SPATA13: variants seen among roughly 807,000 people sequenced by gnomAD.
SPATA13 encodes spermatogenesis associated 13, also known as spermatogenesis-associated protein 13.
SPATA13 carries 50 observed loss-of-function variants against 104.0 expected under a neutral mutation model. The ratio of observed to expected loss-of-function variants is 0.48; its 90% confidence interval spans 0.38 to 0.61. The LOEUF (loss-of-function observed/expected upper bound fraction) is 0.61, where lower values mean the gene tolerates loss of function less well. SPATA13 is among the 20% of genes least tolerant of loss of function. The pLI, the probability that SPATA13 is intolerant of heterozygous loss-of-function variation, is 0.00. For synonymous variants in SPATA13, 606 were observed against 667.5 expected (o/e 0.91, Z 1.42); for missense variants, 1,524 against 1,690.6 (o/e 0.90, Z 1.73).
chr13:24,131,600 C>G (rs1303723080), intron 3 of SPATA13, among the ~76,000 whole-genome samples: 1 of 152,188 alleles, frequency 6.6e-6, no homozygotes, highest in Non-Finnish European at 1.5e-5. Context: ...CTTATGAGAA[C>G]AACAGAACCA....
chr13:24,082,636 A>C (rs945223142), intron 3 of SPATA13, among the ~76,000 whole-genome samples: 4 of 151,176 alleles, frequency 2.6e-5, no homozygotes, highest in South Asian at 2.1e-4. Flanking sequence ...CTGGCTAACA[A>C]GGTGAAACCC....
At chr13:24,264,142 C>CT (rs960805556) in intron 4 of SPATA13, among the ~76,000 whole-genome samples, 17 of 151,566 alleles carry the variant, frequency 1.1e-4, no homozygotes, top group African/African-American at 2.9e-4. Context: ...AAGTATTAAA[C>CT]TTTTTTTTTA....
intron 1 of SPATA13, among the ~76,000 whole-genome samples, chr13:23,981,321 T>C (rs948308443): frequency 6.6e-6 from 1 of 152,242 alleles, no homozygotes; most frequent in African/African-American, 2.4e-5. Context: ...AGCAGTTTTT[T>C]TGTAGCTACA....
intron 3 of SPATA13, among the ~76,000 whole-genome samples, chr13:24,144,297 G>A (rs1396779013): frequency 2.0e-5 from 3 of 152,144 alleles, no homozygotes; most frequent in Non-Finnish European, 4.4e-5. Context: ...ACCAAAGGGC[G>A]AGAGCGGGTA....
intron 2 of SPATA13, among the ~76,000 whole-genome samples, chr13:23,987,982 C>T (rs1428914346): frequency 1.3e-5 from 2 of 150,090 alleles, no homozygotes; most frequent in Admixed American, 1.3e-4. Flanking sequence ...CTCACTCTGT[C>T]ACCCAGGCTG....
intron 2 of SPATA13, among the ~76,000 whole-genome samples, chr13:24,238,525 G>A (rs1400157815): frequency 6.6e-6 from 1 of 152,058 alleles, no homozygotes; most frequent in African/African-American, 2.4e-5. Flanking sequence ...AGGTGCTTCA[G>A]TCCCTTTTCT....
chr13:23,992,987 C>T (rs1255209031), intron 2 of SPATA13, among the ~76,000 whole-genome samples: 1 of 152,218 alleles, frequency 6.6e-6, no homozygotes, highest in Non-Finnish European at 1.5e-5. Context: ...CTGAGAGCTG[C>T]CTGTCATATT....
At chr13:24,266,389 A>T (rs1346502536) in intron 4 of SPATA13, among the ~76,000 whole-genome samples, 1 of 151,972 alleles carries the variant, frequency 6.6e-6, no homozygotes, top group Non-Finnish European at 1.5e-5. Context: ...GGCTCAAGGG[A>T]TTCTCTCACC....
At chr13:24,132,189 C>G (rs780037657) in intron 3 of SPATA13, among the ~76,000 whole-genome samples, 1 of 152,326 alleles carries the variant, frequency 6.6e-6, no homozygotes, top group Middle Eastern at 3.4e-3. Flanking sequence ...ATGCCACATG[C>G]TAAGTGTAAC....
chr13:24,026,284 CCCT>C (rs1877212685), intron 3 of SPATA13, among the ~76,000 whole-genome samples: 1 of 152,176 alleles, frequency 6.6e-6, no homozygotes, highest in African/African-American at 2.4e-5. Flanking sequence ...CACATAGCTA[CCCT>C]CCTCTGTTTT....
At chr13:24,265,273 C>T (rs1167190800) in intron 4 of SPATA13, among the ~76,000 whole-genome samples, 10 of 152,202 alleles carry the variant, frequency 6.6e-5, no homozygotes, top group Admixed American at 6.5e-4. Flanking sequence ...GCAGCATCTA[C>T]CCGGCTCATC....
intron 3 of SPATA13, among the ~76,000 whole-genome samples, chr13:24,105,112 C>T (rs1230914927): frequency 2.6e-5 from 4 of 151,538 alleles, no homozygotes; most frequent in Non-Finnish European, 5.9e-5. Flanking sequence ...TTCTTACAAT[C>T]GTTTTGTTTT....
chr13:24,061,900 A>AG (rs1878786501), intron 3 of SPATA13, among the ~76,000 whole-genome samples: 1 of 151,704 alleles, frequency 6.6e-6, no homozygotes, highest in African/African-American at 2.4e-5. Context: ...AAAAAAAAAA[A>AG]GAAAAAAACT....
intron 1 of SPATA13, among the ~76,000 whole-genome samples, chr13:24,182,443 G>A (rs1351477702): frequency 6.6e-6 from 1 of 152,070 alleles, no homozygotes; most frequent in African/African-American, 2.4e-5. Context: ...ACAGTGGGAG[G>A]TGAAGGGGAA....
intron 1 of SPATA13, among the ~76,000 whole-genome samples, chr13:24,204,331 C>T (rs1476344788): frequency 6.6e-6 from 1 of 151,976 alleles, no homozygotes; most frequent in Non-Finnish European, 1.5e-5. Context: ...GTGAATCTTC[C>T]TGAATCAAAT....
At chr13:24,203,700 T>G (rs554867009) in intron 1 of SPATA13, among the ~76,000 whole-genome samples, 1 of 152,184 alleles carries the variant, frequency 6.6e-6, no homozygotes, top group Non-Finnish European at 1.5e-5. Context: ...CTCTTTTTTG[T>G]TGGTAGGTAT....
intron 5 of SPATA13, among the ~76,000 whole-genome samples, chr13:24,285,447 A>G (rs1168781475): frequency 6.6e-6 from 1 of 152,166 alleles, no homozygotes; most frequent in Non-Finnish European, 1.5e-5. Context: ...TTTGCTAGAT[A>G]ACTGACCTGC....
At chr13:24,257,611 CTT>C (rs201620960) in intron 4 of SPATA13, among the ~76,000 whole-genome samples, 3 of 143,476 alleles carry the variant, frequency 2.1e-5, no homozygotes, top group African/African-American at 2.5e-5. Flanking sequence ...TAAATTTTTA[CTT>C]TTTTTTTTTT....
At position 24,160,806 on chromosome 13, in the gene SPATA13, AC is replaced by A; in HGVS notation, c.-237del. The A allele has an allele frequency of 1.0e-6, 1 of 985,368 alleles. No individual in the cohort carries two copies. Among genetic ancestry groups the A allele is most frequent in the Middle Eastern group, 5.2e-4 (1 of 1,914 alleles). The allele number at this position is 985,368 out of a possible 1,614,324, so 61.0% of individuals were successfully genotyped here. A position where few individuals can be genotyped will look rare whatever the true frequency, so the allele number is the denominator to read the frequency against. Reference sequence around the variant, plus strand: ...CCGGTCGCTAGCTCCGAGGGCGCGCACTGGATCCCAGGCTCCTCCGAGAGTG... The same window carrying A: ...CCGGTCGCTAGCTCCGAGGGCGCGCATGGATCCCAGGCTCCTCCGAGAGTG... On this transcript the variant is annotated 5_prime_UTR_variant, in exon 1 of 13. The change creates a new upstream start codon in the 5' untranslated region. Transcript: ENST00000382108.
Sources: allele counts gnomAD v4.1 joint callset (sites outside exome capture counted in the v4.1 genomes callset), GRCh38; gene constraint gnomAD v4.1.1; transcripts MANE v1.5; gene names NCBI Gene and HGNC (gene_info 2026-07-23, HGNC 2026-07-21).